The following HIF3A variants were observed in gnomAD, a reference collection of about 807,000 sequenced individuals.
HIF3A encodes the protein hypoxia inducible factor 3 subunit alpha.
HIF3A carries 41 observed loss-of-function variants against 67.2 expected under a neutral mutation model. That is an observed-to-expected ratio of 0.61 (90% CI 0.48 to 0.79). The LOEUF is 0.79. Among genes scored for constraint, HIF3A ranks in the 30% least tolerant of loss-of-function variants. The pLI is 0.00. For missense variants in HIF3A, 855 were observed against 898.0 expected, an observed-to-expected ratio of 0.95 and a Z score of 0.61; for synonymous variants, 356 against 374.8, an observed-to-expected ratio of 0.95 and a Z score of 0.58.
chr19:46,308,160 A>AT (rs1469095997), intron 3 of HIF3A, 61 bp from the exon 4 acceptor site: 2 of 1,020,514 alleles, frequency 2.0e-6, no homozygotes, highest in Admixed American at 1.7e-5. Context: ...GGGAATGAGG[A>AT]TGGGATGGAG....
chr19:46,314,043 T>TA (rs942859316), intron 8 of HIF3A, among the ~76,000 whole-genome samples: 1 of 151,900 alleles, frequency 6.6e-6, no homozygotes, highest in African/African-American at 2.4e-5. Flanking sequence ...GTTTTTTTTT[T>TA]ATCCATTCAC....
At chr19:46,321,702 G>A (rs1970376180) in intron 9 of HIF3A, 74 bp from the exon 10 acceptor site, 1 of 1,309,538 alleles carries the variant, frequency 7.6e-7, no homozygotes, top group South Asian at 1.3e-5. Context: ...TGTTCCTGGG[G>A]TTGGTATGGA....
intron 8 of HIF3A, among the ~76,000 whole-genome samples, chr19:46,319,869 CT>C (rs1382334879): frequency 6.6e-6 from 1 of 152,080 alleles, no homozygotes; most frequent in Non-Finnish European, 1.5e-5. Context: ...AATGCCAGCT[CT>C]TTTTTCTGCC....
At chr19:46,325,371 G>T (rs910932167) in intron 10 of HIF3A, among the ~76,000 whole-genome samples, 164 bp from the exon 11 acceptor site, 1 of 151,868 alleles carries the variant, frequency 6.6e-6, no homozygotes, top group Non-Finnish European at 1.5e-5. Flanking sequence ...TCTGAGTTTT[G>T]AACACCCAGG....
rs779548245 is a variant in HIF3A, at chr19:46,305,217, G to GC, written c.218-23dup. ...ATTCAGACCATAACTGACTAGAGAT[G>GC]CCCCCATCCCCCTGCCCCGGGCACC... On this transcript the variant is annotated intron_variant, in intron 2 of 14. Coordinates refer to ENST00000377670, the MANE Select transcript of HIF3A (RefSeq NM_152795.4). 37 of 1,613,434 alleles carry GC rather than the reference G, an allele frequency of 2.3e-5. No homozygotes were observed. The Admixed American group carries it at 6.0e-4, about 26-fold the overall frequency.
chr19:46,313,192 A>C, intron 8 of HIF3A: 1 of 634,738 alleles, frequency 1.6e-6, no homozygotes, highest in Non-Finnish European at 2.0e-6. Context: ...TGGAGGCTGC[A>C]GTGAGCCGAG....
At position 46,329,491 on chromosome 19, in the gene HIF3A, A is replaced by T; in HGVS notation, c.1712+13A>T. Reference sequence around the variant, plus strand: ...GGGCTCGGAAGAGGTGAGCCACAGTAAAGGGGGGACATCAAGGCAGCATCC... The same window carrying T: ...GGGCTCGGAAGAGGTGAGCCACAGTTAAGGGGGGACATCAAGGCAGCATCC... On this transcript the variant is annotated intron_variant, in intron 12 of 14. Coordinates refer to ENST00000377670, the MANE Select transcript of HIF3A (RefSeq NM_152795.4). 6.7e-7 allele frequency: 1 copy of T among 1,498,292 alleles called. No individual in the cohort carries two copies. The highest frequency in any genetic ancestry group is 2.4e-5 in the East Asian group (1 of 42,100). The allele number at this position is 1,498,292 out of a possible 1,614,324, so 92.8% of individuals were successfully genotyped here.
At chr19:46,337,283 C>T (rs1971696297) in intron 14 of HIF3A, among the ~76,000 whole-genome samples, 1 of 151,994 alleles carries the variant, frequency 6.6e-6, no homozygotes, top group Non-Finnish European at 1.5e-5. Flanking sequence ...GTGTGTCTTG[C>T]TCTGTTGCCC....
chr19:46,303,686 AG>A (rs1968533759), intron 1 of HIF3A: 3 of 1,585,468 alleles, frequency 1.9e-6, no homozygotes, highest in African/African-American at 1.3e-5. Context: ...GCAAGACCAC[AG>A]GTAAAATCAG....
At position 46,314,737 on chromosome 19, in the gene HIF3A, T is replaced by A. The variant is rs1226807599; in HGVS notation, c.1025+2084T>A. Among the ~76,000 whole-genome samples, 2 of 146,432 alleles carry A rather than the reference T, an allele frequency of 1.4e-5. 1 individual carries two copies. The highest frequency in any genetic ancestry group is 3.0e-5 in the Non-Finnish European group (2 of 66,770). On this transcript the variant is annotated intron_variant, in intron 8 of 14. Transcript: ENST00000377670. ...CCAAGCCCAGCTAATTTTTGTATTT[T>A]TAGTAGAGTCGGGGTTTCACCATGT...
At position 46,312,151 on chromosome 19, in the gene HIF3A, C is replaced by T. The variant is rs1969486311; in HGVS notation, c.771-10C>T. On this transcript the variant is annotated splice_polypyrimidine_tract_variant and intron_variant, in intron 6 of 14. Coordinates refer to ENST00000377670, the MANE Select transcript of HIF3A (RefSeq NM_152795.4). ...CATCCTGACCAGACCCCACTCCGCCCCACCCCCAGGATTGCAGAAGTGGCT... is the reference window on the plus strand; with the variant it reads ...CATCCTGACCAGACCCCACTCCGCCTCACCCCCAGGATTGCAGAAGTGGCT... 3 of 1,612,140 alleles carry T rather than the reference C, an allele frequency of 1.9e-6. No individual in the cohort carries two copies. The highest frequency in any genetic ancestry group is 2.5e-6 in the Non-Finnish European group (3 of 1,178,204).
At chr19:46,301,146 T>A (rs1968296436) in intron 1 of HIF3A, among the ~76,000 whole-genome samples, 1 of 152,080 alleles carries the variant, frequency 6.6e-6, no homozygotes, top group African/African-American at 2.4e-5. Flanking sequence ...AGGGGCCGTA[T>A]CTCCCCTGCT....
At chr19:46,304,154 A>G in intron 2 of HIF3A, 66 bp downstream of exon 2, 3 of 1,407,366 alleles carry the variant, frequency 2.1e-6, no homozygotes, top group South Asian at 2.5e-5. Flanking sequence ...ACTACATCCC[A>G]GGGAGGCCCC....
intron 6 of HIF3A, among the ~76,000 whole-genome samples, chr19:46,311,081 A>G (rs949323351): frequency 2.0e-5 from 3 of 151,404 alleles, no homozygotes; most frequent in Non-Finnish European, 2.9e-5. Flanking sequence ...ATTTATTTTC[A>G]TTCTTCTCTT....
intron 11 of HIF3A, among the ~76,000 whole-genome samples, chr19:46,326,548 T>C (rs992464617): frequency 2.0e-5 from 3 of 152,014 alleles, no homozygotes; most frequent in Non-Finnish European, 4.4e-5. Flanking sequence ...CTCACCCACC[T>C]CTCAAGGCCC....
intron 13 of HIF3A, among the ~76,000 whole-genome samples, chr19:46,332,388 A>G (rs1034325075): frequency 6.6e-6 from 1 of 151,902 alleles, no homozygotes; most frequent in African/African-American, 2.4e-5. Flanking sequence ...AAAAAATTAA[A>G]ATTTAAGCGG....
chr19:46,308,539 T>C (rs1969114314), intron 4 of HIF3A, 124 bp from the exon 5 acceptor site: 1 of 665,116 alleles, frequency 1.5e-6, no homozygotes, highest in East Asian at 2.8e-5. Context: ...TGGGGGACCC[T>C]CTCTGGTTCC....
At chr19:46,324,951 TA>T (rs1970655515) in intron 10 of HIF3A, among the ~76,000 whole-genome samples, 1 of 141,704 alleles carries the variant, frequency 7.1e-6, no homozygotes, top group African/African-American at 2.6e-5. Context: ...TACATATATA[TA>T]TATATACACA....
chr19:46,315,272 G>A (rs1227532354), intron 8 of HIF3A, among the ~76,000 whole-genome samples: 1 of 145,916 alleles, frequency 6.9e-6, no homozygotes, highest in African/African-American at 2.5e-5. Flanking sequence ...TCACCAGATT[G>A]GCCAGGCTGG....
Sources: allele counts gnomAD v4.1 joint callset (sites outside exome capture counted in the v4.1 genomes callset), GRCh38; gene constraint gnomAD v4.1.1; transcripts MANE v1.5; gene names NCBI Gene and HGNC (gene_info 2026-07-23, HGNC 2026-07-21).